CDKL4: variants seen among roughly 807,000 people sequenced by gnomAD.
CDKL4 encodes cyclin dependent kinase like 4.
A neutral mutation model predicts 42.0 loss-of-function variants in CDKL4; 44 were observed. The observed-to-expected ratio is 1.05, with a 90% CI of 0.82 to 1.35. The LOEUF is 1.35. Ranked by LOEUF, CDKL4 falls within the 40% of genes most tolerant of loss-of-function variation. The pLI is 0.00. For synonymous variants in CDKL4, 120 were observed against 121.6 expected (o/e 0.99, Z 0.09); for missense variants, 393 against 369.9 (o/e 1.06, Z -0.51).
chr2:39,216,552 A>G (rs1424522577), intron 3 of CDKL4, among the ~76,000 whole-genome samples: 1 of 152,242 alleles, frequency 6.6e-6, no homozygotes, highest in Non-Finnish European at 1.5e-5. Context: ...ACATACAGAG[A>G]GAGAAATTAG....
At chr2:39,244,559 C>A (rs1299875614), upstream of CDKL4, among the ~76,000 whole-genome samples, 1 of 152,240 alleles carries the variant, frequency 6.6e-6, no homozygotes, top group East Asian at 1.9e-4. Context: ...AGCCTCCCAC[C>A]CCCTCCATGG....
At chr2:39,202,548 ATCTATTTT>A (rs1210131079) in intron 5 of CDKL4, among the ~76,000 whole-genome samples, 1 of 152,122 alleles carries the variant, frequency 6.6e-6, no homozygotes, top group Non-Finnish European at 1.5e-5. Flanking sequence ...AGTCCAATTT[ATCTATTTT>A]TCCTTTTGTT....
chr2:39,209,473 A>C (rs1379644729), intron 4 of CDKL4, among the ~76,000 whole-genome samples: 3 of 152,252 alleles, frequency 2.0e-5, no homozygotes, highest in African/African-American at 7.2e-5. Flanking sequence ...AAAGAGAACC[A>C]AATGAATACG....
upstream of CDKL4, among the ~76,000 whole-genome samples, chr2:39,245,085 G>T (rs545091483): frequency 6.6e-6 from 1 of 152,310 alleles, no homozygotes; most frequent in South Asian, 2.1e-4. Flanking sequence ...GAGAATAAAA[G>T]CCGGCTGCAC....
intron 5 of CDKL4, among the ~76,000 whole-genome samples, chr2:39,197,328 A>G (rs1676577653): frequency 6.6e-6 from 1 of 152,200 alleles, no homozygotes; most frequent in Non-Finnish European, 1.5e-5. Flanking sequence ...GAAGTTTGGT[A>G]TTATGTTTAA....
At chr2:39,234,139 T>A (rs1481149193) in intron 1 of CDKL4, among the ~76,000 whole-genome samples, 2 of 151,966 alleles carry the variant, frequency 1.3e-5, no homozygotes, top group Non-Finnish European at 2.9e-5. Context: ...GGTCTCGATC[T>A]CCTGACCTCA....
chr2:39,205,631 G>A (rs1470607523), intron 4 of CDKL4, among the ~76,000 whole-genome samples: 1 of 151,708 alleles, frequency 6.6e-6, no homozygotes, highest in African/African-American at 2.4e-5. Flanking sequence ...GTGGTGGCAG[G>A]CGCCTGTAGT....
chr2:39,178,905 T>TATA (rs1675281192), intron 9 of CDKL4: 1 of 1,453,246 alleles, frequency 6.9e-7, no homozygotes, highest in Non-Finnish European at 9.1e-7. Flanking sequence ...ATATTATGGG[T>TATA]ATACGATCTT....
downstream of CDKL4, among the ~76,000 whole-genome samples, chr2:39,170,970 G>C (rs1343415776): frequency 6.6e-6 from 1 of 152,022 alleles, no homozygotes; most frequent in Non-Finnish European, 1.5e-5. Context: ...TTCAGGTCAG[G>C]CTCATTCCTG....
At chr2:39,231,251 A>G (rs7581973) in intron 1 of CDKL4, among the ~76,000 whole-genome samples, 134,246 of 152,208 alleles carry the variant, frequency 0.88, 59,533 homozygotes, top group Non-Finnish European at 0.94. Flanking sequence ...AACAAAAAGA[A>G]TGTATAATTC....
chr2:39,182,757 T>C (rs1020263981), intron 8 of CDKL4, among the ~76,000 whole-genome samples: 4 of 152,250 alleles, frequency 2.6e-5, no homozygotes, highest in Admixed American at 1.3e-4. Flanking sequence ...AGGATCATCA[T>C]GACTATGGAA....
chr2:39,179,098 G>C, intron 9 of CDKL4, 89 bp downstream of exon 9: 2 of 1,540,222 alleles, frequency 1.3e-6, no homozygotes, highest in Non-Finnish European at 1.7e-6. Flanking sequence ...AAAGGTCTTG[G>C]TGTCCACCTT....
At chr2:39,184,791 G>C (rs1382783813) in intron 7 of CDKL4, 144 bp from the exon 8 acceptor site, 2 of 594,602 alleles carry the variant, frequency 3.4e-6, no homozygotes, top group Non-Finnish European at 6.0e-6. Context: ...CTGCAGTGCA[G>C]TGGCATGATC....
At chr2:39,197,176 G>A (rs1405908643) in intron 5 of CDKL4, among the ~76,000 whole-genome samples, 1 of 152,120 alleles carries the variant, frequency 6.6e-6, no homozygotes, top group Non-Finnish European at 1.5e-5. Context: ...TTAGAGAAAT[G>A]CAAAATGCAC....
intron 2 of CDKL4, among the ~76,000 whole-genome samples, chr2:39,227,507 C>T (rs953915576): frequency 2.6e-5 from 4 of 152,058 alleles, no homozygotes; most frequent in African/African-American, 9.7e-5. Flanking sequence ...GCAGGAGGAT[C>T]GCGTGAACCT....
chr2:39,190,501 AAC>A lies in CDKL4; in HGVS notation c.455-1_455del. 1 of 1,613,978 alleles carries A rather than the reference AAC, an allele frequency of 6.2e-7. No homozygotes were observed. ...CATAATCGGTGTAGGCATCTCCTGG[AAC>A]TGCAAATGCATCAATCAGATCAGGT... On this transcript the variant is annotated splice_acceptor_variant and coding_sequence_variant, in exon 6 of 10. Transcript: ENST00000451199. LOFTEE classifies it high-confidence loss of function.
chr2:39,176,759 G>T (rs1675185394), intron 9 of CDKL4, among the ~76,000 whole-genome samples: 1 of 152,152 alleles, frequency 6.6e-6, no homozygotes, highest in Non-Finnish European at 1.5e-5. Flanking sequence ...TAGAATATTG[G>T]CAGAATAGCA....
At chr2:39,192,551 T>C (rs566117291) in intron 5 of CDKL4, among the ~76,000 whole-genome samples, 6 of 151,638 alleles carry the variant, frequency 4.0e-5, no homozygotes, top group African/African-American at 1.2e-4. Flanking sequence ...TTTTTTTTTT[T>C]TGTATAGATA....
At chr2:39,244,526 G>T (rs989789955), upstream of CDKL4, among the ~76,000 whole-genome samples, 4 of 152,250 alleles carry the variant, frequency 2.6e-5, no homozygotes. Context: ...GCAGGGCTTG[G>T]GACCTGCAGC....
Sources: allele counts gnomAD v4.1 joint callset (sites outside exome capture counted in the v4.1 genomes callset), GRCh38; gene constraint gnomAD v4.1.1; transcripts MANE v1.5; gene names NCBI Gene and HGNC (gene_info 2026-07-23, HGNC 2026-07-21).